The following CCDC30 variants were observed in gnomAD, a reference collection of about 807,000 sequenced individuals.
CCDC30 encodes the protein coiled-coil domain containing 30.
In CCDC30, 70 loss-of-function variants were observed where a neutral mutation model predicts 100.2. The observed-to-expected ratio is 0.70, with a 90% CI of 0.58 to 0.85. The LOEUF is 0.85. Among genes scored for constraint, CCDC30 ranks in the 40% least tolerant of loss-of-function variants. CCDC30 has a pLI of 0.00. For missense variants in CCDC30, 652 were observed against 771.2 expected (o/e 0.85, Z 1.83); for synonymous variants, 233 against 269.5 (o/e 0.86, Z 1.33).
intron 9 of CCDC30, among the ~76,000 whole-genome samples, chr1:42,586,032 A>G (rs1646061938): frequency 6.6e-6 from 1 of 152,234 alleles, no homozygotes; most frequent in South Asian, 2.1e-4. Context: ...GGTAAGTGTT[A>G]TACTAAAGGA....
chr1:42,581,563 G>GT, intron 9 of CCDC30, 49 bp downstream of exon 13: 2 of 1,540,084 alleles, frequency 1.3e-6, no homozygotes, highest in Admixed American at 4.0e-5. Flanking sequence ...CCATGACTGA[G>GT]TTAATCAGCA....
intron 3 of CCDC30, among the ~76,000 whole-genome samples, chr1:42,489,528 C>A (rs1475097942): frequency 6.6e-6 from 1 of 152,164 alleles, no homozygotes; most frequent in Non-Finnish European, 1.5e-5. Context: ...TTATAAAATT[C>A]ATGTTAGTCT....
At chr1:42,549,329 C>G (rs900049272) in intron 6 of CCDC30, among the ~76,000 whole-genome samples, 2 of 152,128 alleles carry the variant, frequency 1.3e-5, no homozygotes, top group African/African-American at 4.8e-5. Flanking sequence ...GTCTCTGAGA[C>G]CAAGAAAACT....
At chr1:42,469,173 G>A (rs1158843563) in intron 1 of CCDC30, among the ~76,000 whole-genome samples, 1 of 152,154 alleles carries the variant, frequency 6.6e-6, no homozygotes, top group Non-Finnish European at 1.5e-5. Flanking sequence ...GAGCCCCGGT[G>A]TTCAATTCCA....
At chr1:42,460,124 T>G, upstream of CCDC30, 7 of 1,340,246 alleles carry the variant, frequency 5.2e-6, no homozygotes, top group Non-Finnish European at 6.7e-6. Flanking sequence ...AATTGAACAC[T>G]AGAACTGTTA....
chr1:42,619,457 T>G (rs1646788467), intron 11 of CCDC30, among the ~76,000 whole-genome samples: 1 of 152,088 alleles, frequency 6.6e-6, no homozygotes, highest in African/African-American at 2.4e-5. Context: ...TCTATTAATG[T>G]GTGTGTGGGA....
At chr1:42,522,668 C>A (rs1423671904) in intron 6 of CCDC30, among the ~76,000 whole-genome samples, 1 of 152,130 alleles carries the variant, frequency 6.6e-6, no homozygotes, top group Non-Finnish European at 1.5e-5. Flanking sequence ...CCCAAAATTA[C>A]ATCTTTGTAC....
intron 11 of CCDC30, among the ~76,000 whole-genome samples, chr1:42,622,150 T>C (rs1009583225): frequency 6.6e-6 from 1 of 152,208 alleles, no homozygotes; most frequent in African/African-American, 2.4e-5. Context: ...TTGAATTGTT[T>C]TGATTTTTAG....
At chr1:42,646,867 G>A (rs1393613985) in intron 15 of CCDC30, among the ~76,000 whole-genome samples, 1 of 152,116 alleles carries the variant, frequency 6.6e-6, no homozygotes, top group East Asian at 1.9e-4. Flanking sequence ...GGGAGGCTGC[G>A]GTGGATGATC....
chr1:42,653,961 A>G, exon 17 of CCDC30: 2 of 1,614,174 alleles, frequency 1.2e-6, no homozygotes, highest in African/African-American at 1.3e-5. Context: ...GAGGCTGGAT[A>G]CATAAATGTG....
chr1:42,646,238 C>T (rs1157753009), exon 15 of CCDC30: 2 of 1,556,640 alleles, frequency 1.3e-6, no homozygotes, highest in African/African-American at 2.7e-5. Flanking sequence ...GAGGTCTTCA[C>T]CAGCAACAAT....
rs530827855 is a variant in CCDC30 at position 42,553,464 on chromosome 1, CG to C, written c.457-12831del. Among the ~76,000 whole-genome samples, 789 of 151,104 alleles carry C rather than the reference CG, an allele frequency of 5.2e-3. 8 individuals carry two copies. The highest frequency in any genetic ancestry group is 0.018 in the African/African-American group (762 of 41,212). On this transcript the variant is annotated intron_variant, in intron 6 of 16. Coordinates refer to ENST00000668663, the Ensembl canonical transcript of CCDC30. ...GAAAGTGTGTCTACTCCATCTTCTT[CG>C]AAGAAAAAGTCCATTTTCTCCATTT...
intron 6 of CCDC30, among the ~76,000 whole-genome samples, chr1:42,546,400 ATATATATATATATATAT>A (rs1296661590): frequency 0.024 from 2,370 of 97,554 alleles, 345 homozygotes; most frequent in South Asian, 0.067. Flanking sequence ...AAAAAAAAAA[ATATATATATATATATAT>A]ATATATATAT....
At chr1:42,534,728 A>G (rs1361478761) in intron 6 of CCDC30, among the ~76,000 whole-genome samples, 1 of 152,264 alleles carries the variant, frequency 6.6e-6, no homozygotes, top group Non-Finnish European at 1.5e-5. Context: ...TCTCAAATCC[A>G]TAATAAAGCA....
rs150931209 is a variant in CCDC30 at position 42,638,231 on chromosome 1, G to A, written c.1419+853G>A. Reference sequence around the variant, plus strand: ...TGGCTGGGTGCAGTGGTTCATGCCTGTAATTCCAGCACTTTGGGAGGCCAA... The same window carrying A: ...TGGCTGGGTGCAGTGGTTCATGCCTATAATTCCAGCACTTTGGGAGGCCAA... On this transcript the variant is annotated intron_variant, in intron 12 of 16. Coordinates refer to ENST00000668663, the Ensembl canonical transcript of CCDC30. Among the ~76,000 whole-genome samples, 46 of 152,340 alleles carry A rather than the reference G, an allele frequency of 3.0e-4. 1 individual carries two copies. Among genetic ancestry groups the A allele is most frequent in the African/African-American group, 1.0e-3 (42 of 41,582 alleles).
chr1:42,458,806 G>A (rs72950589), upstream of CCDC30, among the ~76,000 whole-genome samples: 1,850 of 152,298 alleles, frequency 0.012, 31 homozygotes, highest in African/African-American at 0.041. Context: ...GGTACTAGGA[G>A]TTTTGGTCAA....
intron 7 of CCDC30, among the ~76,000 whole-genome samples, chr1:42,570,520 A>G (rs1645711150): frequency 1.3e-5 from 2 of 152,044 alleles, no homozygotes; most frequent in Admixed American, 1.3e-4. Context: ...AAGAAATAGA[A>G]CAATGCCAGC....
At chr1:42,619,669 G>T (rs1019212671) in intron 11 of CCDC30, among the ~76,000 whole-genome samples, 1 of 152,220 alleles carries the variant, frequency 6.6e-6, no homozygotes, top group East Asian at 1.9e-4. Flanking sequence ...AGAATAGATA[G>T]TCAATATCGC....
chr1:42,512,164 C>T lies in CCDC30; in HGVS notation c.456+13248C>T, dbSNP rs564450714. 2.1e-4 allele frequency among the ~76,000 whole-genome samples: 32 copies of T among 152,328 alleles called. 1 individual carries two copies. The highest frequency in any genetic ancestry group is 7.7e-4 in the African/African-American group (32 of 41,590). On this transcript the variant is annotated intron_variant, in intron 6 of 16. Transcript: ENST00000668663. ...TGCTATTGTTTGTGGTTTAAGAACA[C>T]CTTAAGTGGTTTTCCACCCTGGGTG...
Sources: allele counts gnomAD v4.1 joint callset (sites outside exome capture counted in the v4.1 genomes callset), GRCh38; gene constraint gnomAD v4.1.1; transcripts MANE v1.5; gene names NCBI Gene and HGNC (gene_info 2026-07-23, HGNC 2026-07-21).